CALD1: variants seen among roughly 807,000 people sequenced by gnomAD.
The protein encoded by CALD1 is caldesmon 1.
Under a neutral mutation model 99.9 loss-of-function variants are expected in CALD1, and 33 were observed. That is an observed-to-expected ratio of 0.33 (90% CI 0.25 to 0.44). The LOEUF (loss-of-function observed/expected upper bound fraction) is 0.44, where lower values mean the gene tolerates loss of function less well. Among genes scored for constraint, CALD1 ranks in the 20% least tolerant of loss-of-function variants. The probability of loss-of-function intolerance (pLI) is 1.00; values close to 1 mark genes in which losing one functional copy is unlikely to be tolerated. For synonymous variants in CALD1, 310 were observed against 325.0 expected, an observed-to-expected ratio of 0.95 and a Z score of 0.50; for missense variants, 861 against 962.1, an observed-to-expected ratio of 0.89 and a Z score of 1.39.
At chr7:134,790,545 C>G (rs1797487377) in intron 1 of CALD1, among the ~76,000 whole-genome samples, 1 of 152,194 alleles carries the variant, frequency 6.6e-6, no homozygotes, top group African/African-American at 2.4e-5. Flanking sequence ...GGGAGCCATA[C>G]TGCAGTTCAA....
At chr7:134,934,327 G>T (rs1805785970) in intron 5 of CALD1, among the ~76,000 whole-genome samples, 1 of 152,148 alleles carries the variant, frequency 6.6e-6, no homozygotes, top group Non-Finnish European at 1.5e-5. Flanking sequence ...GAAATTAATT[G>T]CTCTGTGCTT....
chr7:134,827,311 A>G (rs1042108108), intron 1 of CALD1, among the ~76,000 whole-genome samples: 1 of 152,204 alleles, frequency 6.6e-6, no homozygotes, highest in African/African-American at 2.4e-5. Context: ...CATTTGCTAC[A>G]TTCTTAGTTG....
intron 5 of CALD1, among the ~76,000 whole-genome samples, chr7:134,934,514 C>T (rs1197737867): frequency 2.0e-5 from 3 of 151,986 alleles, no homozygotes; most frequent in African/African-American, 4.8e-5. Context: ...ATGGGTTTGA[C>T]GTTGAATTAA....
intron 3 of CALD1, among the ~76,000 whole-genome samples, chr7:134,915,682 T>C (rs1421038698): frequency 6.6e-6 from 1 of 152,230 alleles, no homozygotes; most frequent in Non-Finnish European, 1.5e-5. Flanking sequence ...CTAACTCAAT[T>C]TGCACACACA....
intron 1 of CALD1, among the ~76,000 whole-genome samples, chr7:134,828,383 A>G (rs1437087185): frequency 6.6e-6 from 1 of 152,234 alleles, no homozygotes; most frequent in Admixed American, 6.5e-5. Flanking sequence ...TCAGATTTTT[A>G]AGCTGGAAGA....
rs370755764 is a variant in CALD1 at position 134,766,371 on chromosome 7, C to T, written c.-130+22008C>T. ...ATGTTGGCCAGGCTAGTCTCGAACT[C>T]CTGACCTCGGGTGATCCACCTGCCT... On this transcript the variant is annotated intron_variant, in intron 1 of 13. Coordinates refer to the CALD1 transcript ENST00000417172. Among the ~76,000 whole-genome samples, 318 of 152,086 alleles carry T rather than the reference C, an allele frequency of 2.1e-3. 1 individual carries two copies. Among genetic ancestry groups the T allele is most frequent in the African/African-American group, 7.4e-3 (309 of 41,482 alleles).
intron 3 of CALD1, among the ~76,000 whole-genome samples, chr7:134,910,440 C>T (rs568956404): frequency 6.6e-6 from 1 of 152,252 alleles, no homozygotes; most frequent in Non-Finnish European, 1.5e-5. Flanking sequence ...TTGCTTCCCA[C>T]AGACATTGCA....
At chr7:134,824,745 T>C (rs6971273) in intron 1 of CALD1, among the ~76,000 whole-genome samples, 28,627 of 152,132 alleles carry the variant, frequency 0.19, 3,051 homozygotes, top group South Asian at 0.28. Context: ...TCCCCCTCAA[T>C]TGTACATACG....
chr7:134,711,660 C>CTCTCTCTCTATA, the CALD1 span, among the ~76,000 whole-genome samples: 23 of 78,334 alleles, frequency 2.9e-4, 1 homozygote, highest in African/African-American at 1.2e-3. Flanking sequence ...CTCTCTCTCT[C>CTCTCTCTCTATA]TATATATATA....
upstream of CALD1, among the ~76,000 whole-genome samples, chr7:134,775,722 A>G (rs1487921880): frequency 2.0e-5 from 3 of 152,148 alleles, no homozygotes; most frequent in African/African-American, 4.8e-5. Flanking sequence ...AAAAAAAAAA[A>G]AAGAAAAGAA....
At chr7:134,724,121 A>G in the CALD1 span, among the ~76,000 whole-genome samples, 1 of 152,172 alleles carries the variant, frequency 6.6e-6, no homozygotes, top group Admixed American at 6.5e-5. Flanking sequence ...ATTCCCTTCA[A>G]GGGTTTCCCT....
At chr7:134,898,795 T>A (rs1239347066) in intron 3 of CALD1, among the ~76,000 whole-genome samples, 1 of 152,206 alleles carries the variant, frequency 6.6e-6, no homozygotes, top group South Asian at 2.1e-4. Flanking sequence ...ACTCAGGTGA[T>A]CCGCCAACCT....
rs1370197714 is a variant in CALD1, at chr7:134,833,974, T to C, written c.-129-9910T>C. On this transcript the variant is annotated intron_variant, in intron 1 of 14. Transcript: ENST00000361675. ...GAGGAAGACAAATAGGCCTTTTTCTTCCACGGAAGAAAGATGCCTAGAATC... is the reference window on the plus strand; with the variant it reads ...GAGGAAGACAAATAGGCCTTTTTCTCCCACGGAAGAAAGATGCCTAGAATC... Among the ~76,000 whole-genome samples, 6 of 152,316 alleles carry C rather than the reference T, an allele frequency of 3.9e-5. No homozygotes were observed. In the East Asian group the frequency reaches 1.2e-3, roughly 29 times the overall value.
chr7:134,832,035 T>C (rs539473497), intron 1 of CALD1, among the ~76,000 whole-genome samples: 4 of 152,372 alleles, frequency 2.6e-5, no homozygotes, highest in East Asian at 1.9e-4. Flanking sequence ...CTTTTCCCCA[T>C]GCGTCTTCCG....
intron 4 of CALD1, among the ~76,000 whole-genome samples, chr7:134,931,761 T>C (rs1185577719): frequency 1.3e-5 from 2 of 152,218 alleles, no homozygotes; most frequent in African/African-American, 2.4e-5. Flanking sequence ...GTTTAACTTT[T>C]GGAGATTTTC....
At chr7:134,775,112 C>A (rs190619178), upstream of CALD1, among the ~76,000 whole-genome samples, 2 of 152,012 alleles carry the variant, frequency 1.3e-5, no homozygotes, top group Admixed American at 1.3e-4. Context: ...GTAGTAGAAA[C>A]TTTGAATCTA....
intron 2 of CALD1, among the ~76,000 whole-genome samples, chr7:134,847,447 G>A (rs887010380): frequency 6.6e-6 from 1 of 152,056 alleles, no homozygotes; most frequent in Non-Finnish European, 1.5e-5. Context: ...CCCTTCCCTG[G>A]GAGTCTCCTC....
intron 2 of CALD1, among the ~76,000 whole-genome samples, chr7:134,854,293 C>T (rs558966019): frequency 6.6e-6 from 1 of 152,192 alleles, no homozygotes; most frequent in Non-Finnish European, 1.5e-5. Context: ...GCCACACTGT[C>T]TTCCACAATG....
chr7:134,890,504 T>TACATTGTGGAGATCGGATTTACC (rs1802103103), intron 3 of CALD1, among the ~76,000 whole-genome samples: 1 of 152,058 alleles, frequency 6.6e-6, no homozygotes, highest in South Asian at 2.1e-4. Flanking sequence ...TAATCTTAAC[T>TACATTGTGGAGATCGGATTTACC]CTACATTGTG....
Sources: allele counts gnomAD v4.1 joint callset (sites outside exome capture counted in the v4.1 genomes callset), GRCh38; gene constraint gnomAD v4.1.1; transcripts MANE v1.5; gene names NCBI Gene and HGNC (gene_info 2026-07-23, HGNC 2026-07-21).